TACC1: variants seen among roughly 807,000 people sequenced by gnomAD.
The protein encoded by TACC1 is transforming acidic coiled-coil-containing protein 1.
Under a neutral mutation model 84.4 loss-of-function variants are expected in TACC1, and 48 were observed. The observed-to-expected ratio is 0.57, with a 90% CI of 0.45 to 0.72. The LOEUF is 0.72. Among genes scored for constraint, TACC1 ranks in the 30% least tolerant of loss-of-function variants. The probability of loss-of-function intolerance (pLI) is 0.00; values close to 1 mark genes in which losing one functional copy is unlikely to be tolerated. For missense variants in TACC1, 920 were observed against 973.0 expected (o/e 0.95, Z 0.72); for synonymous variants, 372 against 376.3 (o/e 0.99, Z 0.13).
intron 3 of TACC1, among the ~76,000 whole-genome samples, chr8:38,746,269 A>G (rs2151712077): frequency 6.6e-6 from 1 of 152,364 alleles, no homozygotes; most frequent in East Asian, 1.9e-4. Flanking sequence ...AATAGATACA[A>G]TGAAGAAGAG....
chr8:38,731,721 C>A (rs1242042980), intron 1 of TACC1, among the ~76,000 whole-genome samples: 2 of 148,054 alleles, frequency 1.4e-5, no homozygotes, highest in East Asian at 4.1e-4. Flanking sequence ...AGCTGTTCTC[C>A]CAGAGATAAA....
intron 3 of TACC1, among the ~76,000 whole-genome samples, chr8:38,769,206 T>TA (rs1812937003): frequency 9.0e-6 from 1 of 111,658 alleles, no homozygotes. Context: ...GTGTGTGTGA[T>TA]TGTGTGGTGT....
chr8:38,791,523 G>A lies in TACC1; in HGVS notation c.277+2704G>A, dbSNP rs10105006. Among the ~76,000 whole-genome samples, 195 of 152,332 alleles carry A rather than the reference G, an allele frequency of 1.3e-3. 3 individuals are homozygous for A. Among genetic ancestry groups the A allele is most frequent in the African/African-American group, 4.5e-3 (187 of 41,576 alleles). Reference sequence around the variant, plus strand: ...CCAATGGCCTTGTCACACATACACAGCAAATGTGCAAAGACAGCCAGAGCA... The same window carrying A: ...CCAATGGCCTTGTCACACATACACAACAAATGTGCAAAGACAGCCAGAGCA... On this transcript the variant is annotated intron_variant, in intron 2 of 12. Coordinates refer to ENST00000317827, the MANE Select transcript of TACC1 (RefSeq NM_006283.3).
At chr8:38,840,386 G>C (rs1242651583) in intron 9 of TACC1, 119 bp downstream of exon 9, 2 of 886,724 alleles carry the variant, frequency 2.3e-6, no homozygotes, top group East Asian at 5.6e-5. Flanking sequence ...ATTTTTCATA[G>C]CTCTGGAGAC....
At chr8:38,777,946 G>A (rs939846746) in intron 3 of TACC1, among the ~76,000 whole-genome samples, 1 of 152,160 alleles carries the variant, frequency 6.6e-6, no homozygotes, top group African/African-American at 2.4e-5. Context: ...AAAATTCAGA[G>A]GGTTCTTTTG....
chr8:38,807,297 C>T (rs1460844682), intron 2 of TACC1, among the ~76,000 whole-genome samples: 2 of 152,164 alleles, frequency 1.3e-5, no homozygotes. Context: ...CAGCCCCCAT[C>T]CTGAAGCCAC....
At chr8:38,736,664 G>A (rs1434426662) in intron 1 of TACC1, among the ~76,000 whole-genome samples, 1 of 152,126 alleles carries the variant, frequency 6.6e-6, no homozygotes, top group Non-Finnish European at 1.5e-5. Context: ...TCCAGAGATT[G>A]GGACCTGATA....
At position 38,755,732 on chromosome 8, in the gene TACC1, A is replaced by G. The variant is rs573660747; in HGVS notation, c.26+10239A>G. On this transcript the variant is annotated intron_variant, in intron 3 of 14. Coordinates refer to the TACC1 transcript ENST00000518415. ...AAACAACAACAACAACAACAACAAC[A>G]ACAACAACAACAACAACAACAGAGT... is the stretch of plus-strand genomic sequence containing the variant. Among the ~76,000 whole-genome samples the G allele has an allele frequency of 1.7e-3, 230 of 133,420 alleles. 4 individuals carry two copies. In the South Asian group the frequency reaches 0.032, roughly 19 times the overall value. The allele number at this position is 133,420 out of a possible 152,430, so 87.5% of individuals were successfully genotyped here. A position where few individuals can be genotyped will look rare whatever the true frequency, so the allele number is the denominator to read the frequency against.
At chr8:38,847,354 C>G (rs1180360656) in intron 12 of TACC1, among the ~76,000 whole-genome samples, 2 of 152,194 alleles carry the variant, frequency 1.3e-5, no homozygotes, top group African/African-American at 4.8e-5. Flanking sequence ...ATTTACCCAT[C>G]CTAAAACATC....
At chr8:38,740,936 G>C (rs1806936578) in intron 1 of TACC1, among the ~76,000 whole-genome samples, 1 of 152,112 alleles carries the variant, frequency 6.6e-6, no homozygotes, top group African/African-American at 2.4e-5. Flanking sequence ...GTTGTGTTTT[G>C]TTGTACCTTG....
chr8:38,840,024 A>G (rs1038925709), intron 8 of TACC1, 200 bp from the exon 9 acceptor site: 7 of 353,356 alleles, frequency 2.0e-5, no homozygotes, highest in African/African-American at 1.5e-4. Flanking sequence ...TCTTAACAAA[A>G]ACCTTTTTAG....
intron 3 of TACC1, among the ~76,000 whole-genome samples, chr8:38,778,814 A>G (rs1462387028): frequency 6.6e-6 from 1 of 152,156 alleles, no homozygotes; most frequent in African/African-American, 2.4e-5. Flanking sequence ...TTCTTGGAAG[A>G]AACCACCCTA....
intron 3 of TACC1, among the ~76,000 whole-genome samples, chr8:38,748,034 T>C (rs981261531): frequency 5.3e-5 from 8 of 152,122 alleles, no homozygotes; most frequent in Non-Finnish European, 1.2e-4. Context: ...ATAAAATCCA[T>C]TTTTTAAAAA....
chr8:38,801,896 G>A (rs1399855633), intron 2 of TACC1, among the ~76,000 whole-genome samples: 1 of 152,102 alleles, frequency 6.6e-6, no homozygotes, highest in Non-Finnish European at 1.5e-5. Context: ...ATTGCTTCAA[G>A]CAATGTTTTT....
chr8:38,766,245 G>T (rs1812226253), intron 3 of TACC1, among the ~76,000 whole-genome samples: 1 of 152,134 alleles, frequency 6.6e-6, no homozygotes, highest in South Asian at 2.1e-4. Context: ...TACTTTGGAT[G>T]TAATTTTTTC....
At position 38,835,111 on chromosome 8, in the gene TACC1, G is replaced by A. The variant is rs28607139; in HGVS notation, c.1714-1051G>A. Among the ~76,000 whole-genome samples the A allele has an allele frequency of 8.4e-3, 1,281 of 152,040 alleles. 26 individuals are homozygous for A. The highest frequency in any genetic ancestry group is 6.0e-3 in the Non-Finnish European group (411 of 67,974). On this transcript the variant is annotated intron_variant, in intron 6 of 12. Transcript: ENST00000317827. Reference sequence around the variant, plus strand: ...TACTAAAAATACAGAAAAATTAGCCGGGCGTGGTGGCGGGCACCTGTAGTC... The same window carrying A: ...TACTAAAAATACAGAAAAATTAGCCAGGCGTGGTGGCGGGCACCTGTAGTC...
intron 3 of TACC1, among the ~76,000 whole-genome samples, chr8:38,765,163 CT>C (rs55673136): frequency 0.22 from 31,514 of 145,736 alleles, 3,881 homozygotes; most frequent in Non-Finnish European, 0.29. Context: ...GGCTTTGTTT[CT>C]TTTTTTTTTT....
At chr8:38,838,627 T>C in intron 8 of TACC1, 81 bp downstream of exon 8, 1 of 1,199,990 alleles carries the variant, frequency 8.3e-7, no homozygotes, top group Non-Finnish European at 1.2e-6. Context: ...TGACAGTGTT[T>C]GCTTGCCACA....
intron 3 of TACC1, among the ~76,000 whole-genome samples, chr8:38,748,857 A>G (rs1281890891): frequency 2.0e-5 from 3 of 152,138 alleles, no homozygotes; most frequent in Non-Finnish European, 4.4e-5. Context: ...TCTTAAATCA[A>G]TGATCTTAAT....
Sources: allele counts gnomAD v4.1 joint callset (sites outside exome capture counted in the v4.1 genomes callset), GRCh38; gene constraint gnomAD v4.1.1; transcripts MANE v1.5; gene names NCBI Gene and HGNC (gene_info 2026-07-23, HGNC 2026-07-21).